Variants in ZNHIT3 observed in about 807,000 individuals in gnomAD.
The protein encoded by ZNHIT3 is zinc finger HIT-type containing 3.
In ZNHIT3, 27 loss-of-function variants were observed where a neutral mutation model predicts 19.9. That is an observed-to-expected ratio of 1.36 (90% CI 1.00 to 1.87). The LOEUF (loss-of-function observed/expected upper bound fraction) is 1.87, where lower values mean the gene tolerates loss of function less well. ZNHIT3 is among the 40% of genes most tolerant of loss of function. The pLI is 0.00. For missense variants in ZNHIT3, 215 were observed against 185.6 expected, an observed-to-expected ratio of 1.16 and a Z score of -0.92; for synonymous variants, 81 against 65.7, an observed-to-expected ratio of 1.23 and a Z score of -1.13.
intron 2 of ZNHIT3, among the ~76,000 whole-genome samples, chr17:36,487,937 C>G (rs992402120): frequency 7.9e-5 from 12 of 151,588 alleles, no homozygotes; most frequent in African/African-American, 2.9e-4. Context: ...AACCCCGTCT[C>G]TATAAACAAA....
chr17:36,494,770 T>A (rs1305771909), intron 4 of ZNHIT3, among the ~76,000 whole-genome samples: 1 of 152,158 alleles, frequency 6.6e-6, no homozygotes, highest in Non-Finnish European at 1.5e-5. Flanking sequence ...TGCTTAGACA[T>A]CATTCAGATT....
downstream of ZNHIT3, chr17:36,496,212 G>A (rs750681757): frequency 8.1e-6 from 13 of 1,609,652 alleles, no homozygotes; most frequent in Non-Finnish European, 1.1e-5. Flanking sequence ...GCAAGGCAGG[G>A]GGCAGGAAAA....
chr17:36,489,860 T>C (rs2070685584), intron 2 of ZNHIT3: 1 of 152,068 alleles, frequency 6.6e-6, no homozygotes, highest in East Asian at 1.9e-4. Context: ...CCTCAGGTGA[T>C]CCACCTGCCT....
At chr17:36,494,874 G>A (rs535836027) in intron 4 of ZNHIT3, among the ~76,000 whole-genome samples, 24 of 152,304 alleles carry the variant, frequency 1.6e-4, no homozygotes, top group African/African-American at 5.8e-4. Context: ...CTTTGTGATT[G>A]TGCTGATAAA....
chr17:36,497,442 T>C (rs908744843), downstream of ZNHIT3, among the ~76,000 whole-genome samples: 17 of 152,106 alleles, frequency 1.1e-4, no homozygotes, highest in African/African-American at 7.2e-5. Context: ...TCCAGTGCCA[T>C]TTGAGGTAAC....
chr17:36,498,574 A>G (rs1273330295), downstream of ZNHIT3: 11 of 1,601,974 alleles, frequency 6.9e-6, no homozygotes, highest in African/African-American at 1.3e-5. Flanking sequence ...AAAAGCAAAT[A>G]TCCCTTTATA....
chr17:36,495,968 G>A, downstream of ZNHIT3: 1 of 885,672 alleles, frequency 1.1e-6, no homozygotes, highest in Non-Finnish European at 1.5e-6. Context: ...AGTCATGACT[G>A]CTGCTGAGTT....
At position 36,487,070 on chromosome 17, in the gene ZNHIT3, C is replaced by T. The variant is rs2070580347; in HGVS notation, c.118+104C>T. The T allele has an allele frequency of 3.4e-6, 5 of 1,475,866 alleles. No homozygotes were observed. In the South Asian group the frequency reaches 5.1e-5, roughly 15 times the overall value. The allele number at this position is 1,475,866 out of a possible 1,614,324, so 91.4% of individuals were successfully genotyped here. A position where few individuals can be genotyped will look rare whatever the true frequency, so the allele number is the denominator to read the frequency against. ...GACCCTTGGGCTGCGCTTCCTTTCCCGCCTCGGGTCTCCGCGGGTTCTGCA... is the reference window on the plus strand; with the variant it reads ...GACCCTTGGGCTGCGCTTCCTTTCCTGCCTCGGGTCTCCGCGGGTTCTGCA... On this transcript the variant is annotated intron_variant, in intron 2 of 4. Transcript: ENST00000617429.
At chr17:36,495,971 G>A (rs2070932134), downstream of ZNHIT3, 7 of 872,782 alleles carry the variant, frequency 8.0e-6, no homozygotes, top group East Asian at 3.0e-5. Context: ...CATGACTGCT[G>A]CTGAGTTTGA....
Position 36,495,778 on chromosome 17 carries a change from A to ATTGT in ZNHIT3, c.*378_*381dup. 8.1e-7 allele frequency: 1 copy of ATTGT among 1,234,070 alleles called. No homozygotes were observed. 76.4% of individuals were successfully genotyped at this position (1,234,070 alleles called of 1,614,324 possible). On this transcript the variant is annotated 3_prime_UTR_variant, in exon 5 of 5. Coordinates refer to ENST00000617429, the MANE Select transcript of ZNHIT3 (RefSeq NM_004773.4). ...TGTACATTGCATTATTCATAATTTA[A>ATTGT]TTGTTTGAAATTACATTAAATAAAT...
downstream of ZNHIT3, chr17:36,496,482 C>T (rs370855930): frequency 6.7e-5 from 97 of 1,450,882 alleles, no homozygotes; most frequent in African/African-American, 5.6e-4. Context: ...ACAGAGCAGA[C>T]GCTAAAAATG....
downstream of ZNHIT3, chr17:36,497,886 T>C (rs1299191629): frequency 9.5e-6 from 2 of 210,156 alleles, no homozygotes; most frequent in East Asian, 2.2e-4. Flanking sequence ...CTCCAGGCCC[T>C]AAGCTAAACT....
At chr17:36,493,058 C>T (rs2070764914) in intron 3 of ZNHIT3, 159 bp downstream of exon 3, 3 of 682,160 alleles carry the variant, frequency 4.4e-6, no homozygotes, top group African/African-American at 1.8e-5. Flanking sequence ...GCCATGTCAT[C>T]ATGGGTGATA....
At chr17:36,495,852 C>T (rs1301720175), downstream of ZNHIT3, 2 of 1,240,512 alleles carry the variant, frequency 1.6e-6, no homozygotes, top group East Asian at 3.1e-5. Context: ...GAAATAACCA[C>T]AAGATTTTTC....
Position 36,493,794 on chromosome 17 carries a change from G to T in ZNHIT3, c.206-132G>T, listed in dbSNP as rs892013512. The T allele has an allele frequency of 6.1e-6, 4 of 660,242 alleles. No individual in the cohort carries two copies. In the African/African-American group the frequency reaches 7.2e-5, roughly 12 times the overall value. 40.9% of individuals were successfully genotyped at this position (660,242 alleles called of 1,614,324 possible). ...ACTCCGGAGAAGAGGATTTTTGTCT[G>T]TACCTGCTTGAATACCCCTATCACT... On this transcript the variant is annotated intron_variant, in intron 3 of 4. Coordinates refer to ENST00000617429, the MANE Select transcript of ZNHIT3 (RefSeq NM_004773.4).
chr17:36,492,996 A>G (rs764351960), intron 3 of ZNHIT3, 97 bp downstream of exon 3: 27 of 1,123,744 alleles, frequency 2.4e-5, no homozygotes, highest in Non-Finnish European at 3.6e-5. Context: ...ATCCAGAACA[A>G]TAGCTTCATT....
downstream of ZNHIT3, among the ~76,000 whole-genome samples, chr17:36,497,030 G>A (rs1388299684): frequency 2.6e-5 from 4 of 151,990 alleles, no homozygotes; most frequent in Non-Finnish European, 5.9e-5. Flanking sequence ...ACTTTTCCCT[G>A]GATGCTTATA....
chr17:36,486,957 A>T lies in ZNHIT3; in HGVS notation c.109A>T (p.Lys37Ter), dbSNP rs1194547804. ...CAGCTGCTCGGTAGTCTGCTTCCGGAAGCACAAAGGTGAGCCCCGTCCCCG... is the reference window on the plus strand; with the variant it reads ...CAGCTGCTCGGTAGTCTGCTTCCGGTAGCACAAAGGTGAGCCCCGTCCCCG... ...VPYCSVVCFRKHKEQCNPETR... is the reference protein window; with the variant it reads ...VPYCSVVCFR Residue 37 changes from lysine (K) to a stop codon, truncating the protein, a stop_gained, in exon 2 of 5, where the codon AAG (lysine) becomes TAG (stop). Coordinates refer to ENST00000617429, the MANE Select transcript of ZNHIT3 (RefSeq NM_004773.4). LOFTEE classifies it high-confidence loss of function. The T allele has an allele frequency of 1.9e-6, 3 of 1,611,200 alleles. No homozygotes were observed. The highest frequency in any genetic ancestry group is 1.3e-5 in the African/African-American group (1 of 74,668).
downstream of ZNHIT3, chr17:36,498,155 G>A: frequency 1.6e-6 from 2 of 1,246,246 alleles, no homozygotes; most frequent in South Asian, 1.4e-5. Context: ...ACCCAGTAGG[G>A]TTAGGGATGG....
Sources: allele counts gnomAD v4.1 joint callset (sites outside exome capture counted in the v4.1 genomes callset), GRCh38; gene constraint gnomAD v4.1.1; transcripts MANE v1.5; gene names NCBI Gene and HGNC (gene_info 2026-07-23, HGNC 2026-07-21).